SEC63: variants seen among roughly 807,000 people sequenced by gnomAD.
SEC63 encodes SEC63 protein translocation regulator.
A neutral mutation model predicts 116.2 loss-of-function variants in SEC63; 56 were observed. The observed-to-expected ratio is 0.48, with a 90% CI of 0.39 to 0.60. The LOEUF is 0.60. SEC63 is among the 20% of genes least tolerant of loss of function. The probability of loss-of-function intolerance (pLI) is 0.00; values close to 1 mark genes in which losing one functional copy is unlikely to be tolerated. For missense variants in SEC63, 668 were observed against 900.0 expected (o/e 0.74, Z 3.30); for synonymous variants, 273 against 294.6 (o/e 0.93, Z 0.75).
chr6:107,957,490 C>T, intron 1 of SEC63: 1 of 156,990 alleles, frequency 6.4e-6, no homozygotes, highest in Admixed American at 6.5e-5. Context: ...GCGAACTGGA[C>T]GGACTGAGAG....
At chr6:107,929,036 C>T (rs1787738284) in intron 2 of SEC63, among the ~76,000 whole-genome samples, 1 of 152,218 alleles carries the variant, frequency 6.6e-6, no homozygotes, top group African/African-American at 2.4e-5. Context: ...TTCTAGCATA[C>T]AGTATGTGCT....
Position 107,871,289 on chromosome 6 carries a change from G to C in SEC63, c.*415C>G, listed in dbSNP as rs1786127818. 5.3e-6 allele frequency: 1 copy of C among 187,458 alleles called. No homozygotes were observed. Among genetic ancestry groups the C allele is most frequent in the Non-Finnish European group, 1.1e-5 (1 of 88,570 alleles). 11.6% of individuals were successfully genotyped at this position (187,458 alleles called of 1,614,324 possible). ...AACTTGAGCGATGTTACTTAAACTT[G>C]AGCGATGTTACTTAAAACATATTTG... On this transcript the variant is annotated 3_prime_UTR_variant, in exon 21 of 21. Coordinates refer to ENST00000369002, the MANE Select transcript of SEC63 (RefSeq NM_007214.5).
intron 1 of SEC63, among the ~76,000 whole-genome samples, chr6:107,956,526 C>T (rs1770715710): frequency 6.6e-6 from 1 of 152,166 alleles, no homozygotes; most frequent in South Asian, 2.1e-4. Flanking sequence ...TAAGGCACAA[C>T]AGTCCAAGAT....
chr6:107,947,874 C>A (rs920269662), intron 1 of SEC63, among the ~76,000 whole-genome samples: 6 of 152,252 alleles, frequency 3.9e-5, no homozygotes, highest in African/African-American at 7.2e-5. Context: ...CCCACCAAAC[C>A]ATTCTCCACA....
chr6:107,922,296 G>A (rs118090783), intron 3 of SEC63, among the ~76,000 whole-genome samples: 3,187 of 152,312 alleles, frequency 0.021, 48 homozygotes, highest in Middle Eastern at 0.058. Context: ...CTGAGGTCAG[G>A]AGTTCAAGAC....
intron 16 of SEC63, among the ~76,000 whole-genome samples, chr6:107,886,826 T>C (rs924847945): frequency 1.3e-5 from 2 of 150,722 alleles, no homozygotes; most frequent in East Asian, 3.9e-4. Flanking sequence ...ACTCTGATGA[T>C]AGTTTTTTGT....
chr6:107,946,441 C>G (rs967278272), intron 1 of SEC63, among the ~76,000 whole-genome samples: 3 of 151,174 alleles, frequency 2.0e-5, no homozygotes, highest in African/African-American at 7.3e-5. Flanking sequence ...TTACCTCAAA[C>G]AATCTGCCCG....
intron 16 of SEC63, among the ~76,000 whole-genome samples, chr6:107,884,128 G>A (rs1035011887): frequency 3.3e-5 from 5 of 151,624 alleles, no homozygotes; most frequent in Non-Finnish European, 7.4e-5. Flanking sequence ...AAAATAGCTG[G>A]GCATGGTGGC....
At position 107,903,011 on chromosome 6, in the gene SEC63, A is replaced by G. The variant is rs764706300; in HGVS notation, c.1055-13T>C. On this transcript the variant is annotated splice_polypyrimidine_tract_variant and intron_variant, in intron 11 of 20. Transcript: ENST00000369002. ...CGAAACTCCCTTTCTTAGAAAGAACAGGAAAAAAAGAAACAGGGCTGGACT... is the reference window on the plus strand; with the variant it reads ...CGAAACTCCCTTTCTTAGAAAGAACGGGAAAAAAAGAAACAGGGCTGGACT... 24 of 1,613,820 alleles carry G rather than the reference A, an allele frequency of 1.5e-5. No homozygotes were observed. The highest frequency in any genetic ancestry group is 1.9e-5 in the Non-Finnish European group (22 of 1,179,902).
chr6:107,916,472 T>A (rs1787401832), intron 4 of SEC63, among the ~76,000 whole-genome samples: 1 of 152,224 alleles, frequency 6.6e-6, no homozygotes, highest in African/African-American at 2.4e-5. Flanking sequence ...TAAGGTGATA[T>A]CTCCCAAACT....
At chr6:107,954,026 A>G (rs1407662851) in intron 1 of SEC63, among the ~76,000 whole-genome samples, 2 of 152,194 alleles carry the variant, frequency 1.3e-5, no homozygotes, top group Non-Finnish European at 2.9e-5. Flanking sequence ...GAATAGAAAG[A>G]GGGGAAAGGC....
intron 1 of SEC63, 67 bp from the exon 2 acceptor site, chr6:107,929,581 C>T (rs1787753308): frequency 2.3e-6 from 2 of 880,674 alleles, no homozygotes; most frequent in Admixed American, 1.7e-5. Flanking sequence ...AACCAGCTAA[C>T]TGGTTAACTA....
At chr6:107,904,162 A>G (rs1161758555) in intron 11 of SEC63, among the ~76,000 whole-genome samples, 2 of 150,318 alleles carry the variant, frequency 1.3e-5, no homozygotes, top group Non-Finnish European at 3.0e-5. Flanking sequence ...CACAGTGACC[A>G]GGGCTTTGGG....
intron 1 of SEC63, among the ~76,000 whole-genome samples, chr6:107,931,217 C>G (rs901773200): frequency 1.3e-5 from 2 of 151,836 alleles, no homozygotes; most frequent in South Asian, 4.1e-4. Flanking sequence ...TGGCGCGTGC[C>G]TGTAATCCCA....
At chr6:107,947,715 T>C (rs1770504980) in intron 1 of SEC63, among the ~76,000 whole-genome samples, 1 of 152,074 alleles carries the variant, frequency 6.6e-6, no homozygotes, top group Non-Finnish European at 1.5e-5. Flanking sequence ...TCCACTCTCA[T>C]TCTCTCCTCA....
chr6:107,921,947 A>G, intron 3 of SEC63, 38 bp from the exon 4 acceptor site: 1 of 1,116,924 alleles, frequency 9.0e-7, no homozygotes, highest in South Asian at 1.3e-5. Context: ...GCTTTCTGTT[A>G]GCAAAAATAA....
rs111294980 is a variant in SEC63 at position 107,912,536 on chromosome 6, G to A, written c.573+180C>T. ...GGAGGCAGAGGTTGCAGTGAGCCGAGATCACGCCACTGCTCTCCTGCCTGG... is the reference window on the plus strand; with the variant it reads ...GGAGGCAGAGGTTGCAGTGAGCCGAAATCACGCCACTGCTCTCCTGCCTGG... On this transcript the variant is annotated intron_variant, in intron 6 of 20. Transcript: ENST00000369002. Among the ~76,000 whole-genome samples the A allele has an allele frequency of 5.3e-5, 8 of 152,340 alleles. 1 individual carries two copies. Among genetic ancestry groups the A allele is most frequent in the African/African-American group, 1.9e-4 (8 of 41,574 alleles).
intron 1 of SEC63, among the ~76,000 whole-genome samples, chr6:107,948,318 A>G (rs1770517104): frequency 6.6e-6 from 1 of 152,210 alleles, no homozygotes; most frequent in Non-Finnish European, 1.5e-5. Context: ...TCCAACAAAC[A>G]GTCTTCCACC....
chr6:107,923,523 C>T (rs1015199197), intron 3 of SEC63, among the ~76,000 whole-genome samples: 1 of 152,076 alleles, frequency 6.6e-6, no homozygotes, highest in East Asian at 1.9e-4. Context: ...ATTAATGATA[C>T]TAGTTTCACT....
Sources: allele counts gnomAD v4.1 joint callset (sites outside exome capture counted in the v4.1 genomes callset), GRCh38; gene constraint gnomAD v4.1.1; transcripts MANE v1.5; gene names NCBI Gene and HGNC (gene_info 2026-07-23, HGNC 2026-07-21).